Variants in MYBPH observed in about 807,000 individuals in gnomAD.
The protein encoded by MYBPH is myosin-binding protein H.
A neutral mutation model predicts 53.6 loss-of-function variants in MYBPH; 49 were observed. The observed-to-expected ratio is 0.91, with a 90% CI of 0.73 to 1.16. The LOEUF is 1.16. MYBPH is among the 50% of genes most tolerant of loss of function. The probability of loss-of-function intolerance (pLI) is 0.00; values close to 1 mark genes in which losing one functional copy is unlikely to be tolerated. For synonymous variants in MYBPH, 239 were observed against 249.6 expected, an observed-to-expected ratio of 0.96 and a Z score of 0.40; for missense variants, 558 against 624.1, an observed-to-expected ratio of 0.89 and a Z score of 1.13.
intron 3 of MYBPH, among the ~76,000 whole-genome samples, chr1:203,172,844 C>A (rs893171924): frequency 7.9e-5 from 12 of 152,244 alleles, no homozygotes; most frequent in Middle Eastern, 6.8e-3. Flanking sequence ...CAGGTGGCAG[C>A]AGTTGGTTGG....
chr1:203,174,580 C>T lies in MYBPH; in HGVS notation c.358G>A (p.Val120Met), dbSNP rs773625404. 1 of 1,605,162 alleles carries T rather than the reference C, an allele frequency of 6.2e-7. No individual in the cohort carries two copies. The highest frequency in any genetic ancestry group is 1.3e-5 in the African/African-American group (1 of 74,908). The change falls in exon 3 of 11, where the codon GTG becomes ATG. Residue 120 changes from valine (V) to methionine (M), a missense_variant. Val to Met is a conservative substitution (Grantham distance 21, BLOSUM62 1). Transcript: ENST00000255416. ...CREGASEWVP[V>M]SARPMMVTQQ... ...GTCACCATCATGGGCCGGGCACTCA[C>T]AGGCACCCACTCCGAGGCTGAGGGG...
At chr1:203,174,264 A>C in intron 3 of MYBPH, 166 bp downstream of exon 3, 1 of 966,412 alleles carries the variant, frequency 1.0e-6, no homozygotes, top group Non-Finnish European at 1.2e-6. Flanking sequence ...CTGCTGAGGA[A>C]CCTGGAACTT....
chr1:203,172,029 T>C lies in MYBPH; in HGVS notation c.520A>G (p.Ile174Val). ...TGACGGAGGTGGCGGGGGACACGGA[T>C]CTTGGGGGCCTCTGGATCAAAGCAA... ...HIRENIEAPK[I>V]RVPRHLRQTY... The change falls in exon 4 of 11, where the codon ATC becomes GTC. Residue 174 changes from isoleucine to valine, a missense_variant. Physicochemically the swap from Ile to Val is conservative, Grantham distance 29. Coordinates refer to ENST00000255416, the MANE Select transcript of MYBPH (RefSeq NM_004997.3). The C allele has an allele frequency of 7.6e-7, 1 of 1,316,982 alleles. No individual in the cohort carries two copies. Among genetic ancestry groups the C allele is most frequent in the Admixed American group, 3.0e-5 (1 of 32,920 alleles). 81.6% of individuals were successfully genotyped at this position (1,316,982 alleles called of 1,614,324 possible).
Position 203,171,325 on chromosome 1 carries a change from T to G in MYBPH, c.793+58A>C, listed in dbSNP as rs1342110856. 1 of 1,575,042 alleles carries G rather than the reference T, an allele frequency of 6.3e-7. No individual in the cohort carries two copies. Among genetic ancestry groups the G allele is most frequent in the Non-Finnish European group, 8.6e-7 (1 of 1,157,500 alleles). ...CTCCCATCAGCCATCAGCTCTGGGA[T>G]AGGAGGTTGGGGGCTCCAGGTCCCC... is the stretch of plus-strand genomic sequence containing the variant. On this transcript the variant is annotated intron_variant, in intron 5 of 10. Coordinates refer to ENST00000255416, the MANE Select transcript of MYBPH (RefSeq NM_004997.3). The surrounding 1 kb of genome is among the most constrained non-coding windows in gnomAD (Gnocchi z 4.2).
At position 203,171,133 on chromosome 1, in the gene MYBPH, C is replaced by T; in HGVS notation, c.861G>A (p.Trp287Ter). 1.2e-6 allele frequency: 2 copies of T among 1,613,546 alleles called. No homozygotes were observed. Among genetic ancestry groups the T allele is most frequent in the Non-Finnish European group, 1.7e-6 (2 of 1,179,728 alleles). ...TGTTGCCTGTGTCCTGGGGTGGCGT[C>T]CACTGAAGAGCAGCATTGCAGCCCC... ...DVWGCNAALQ[W>*]TPPQDTGNTE... The change falls in exon 6 of 11, where the codon TGG becomes TGA. Residue 287 changes from tryptophan to a stop codon, truncating the protein, a stop_gained. Coordinates refer to ENST00000255416, the MANE Select transcript of MYBPH (RefSeq NM_004997.3). LOFTEE classifies it high-confidence loss of function. This position sits in a 1 kb window ranked among gnomAD's most constrained non-coding sequence, Gnocchi z 4.2.
chr1:203,175,773 G>A lies in MYBPH; in HGVS notation c.-18C>T, dbSNP rs760860404. 1.4e-5 allele frequency: 23 copies of A among 1,612,818 alleles called. No homozygotes were observed. The highest frequency in any genetic ancestry group is 4.5e-5 in the East Asian group (2 of 44,900). The stretch of plus-strand genomic sequence containing the variant: ...TCCATCATTGCTGGACTGGCTGGGG[G>A]GCCAGGGTGGAGTGTGCAGGGGTCA... On this transcript the variant is annotated 5_prime_UTR_variant, in exon 1 of 11. Transcript: ENST00000255416.
chr1:203,173,909 G>A (rs544950755), intron 3 of MYBPH, among the ~76,000 whole-genome samples: 56 of 152,356 alleles, frequency 3.7e-4, no homozygotes, highest in African/African-American at 1.3e-3. Flanking sequence ...GGCCTGCGGG[G>A]CCCCAGTGAG....
Position 203,171,925 on chromosome 1 carries a change from G to C in MYBPH, c.597+27C>G. 7.7e-7 allele frequency: 1 copy of C among 1,291,780 alleles called. No individual in the cohort carries two copies. Among genetic ancestry groups the C allele is most frequent in the Non-Finnish European group, 9.9e-7 (1 of 1,005,250 alleles). 80.0% of individuals were successfully genotyped at this position (1,291,780 alleles called of 1,614,324 possible). On this transcript the variant is annotated intron_variant, in intron 4 of 10. Transcript: ENST00000255416. This position sits in a 1 kb window ranked among gnomAD's most constrained non-coding sequence, Gnocchi z 4.2. ...GGGGGCCCTGGTTCCCACCCAGGCT[G>C]TTACCCTTGGTGGGGGTAATACCCA...
chr1:203,169,505 C>A, intron 7 of MYBPH, 116 bp from the exon 8 acceptor site: 1 of 1,396,764 alleles, frequency 7.2e-7, no homozygotes, highest in South Asian at 1.2e-5. Flanking sequence ...TTTGCAGGAA[C>A]TTGGACAATC....
upstream of MYBPH, among the ~76,000 whole-genome samples, chr1:203,178,211 T>A (rs1045771939): frequency 6.6e-6 from 1 of 152,192 alleles, no homozygotes; most frequent in African/African-American, 2.4e-5. Flanking sequence ...ATCTGTCTAT[T>A]CTTCTGAGTC....
At chr1:203,169,141 G>A in intron 8 of MYBPH, 49 bp from the exon 9 acceptor site, 1 of 1,601,012 alleles carries the variant, frequency 6.2e-7, no homozygotes, top group Non-Finnish European at 8.5e-7. Context: ...ACTGGGGCGG[G>A]GCTCTCAACA....
Position 203,171,223 on chromosome 1 carries a change from G to A in MYBPH, c.794-23C>T, listed in dbSNP as rs927956553. On this transcript the variant is annotated intron_variant, in intron 5 of 10. Transcript: ENST00000255416. This position sits in a 1 kb window ranked among gnomAD's most constrained non-coding sequence, Gnocchi z 4.2. ...TCTCTGTAGGCCCAGAGTGTGAGAG[G>A]AAGTGAGTGTGAGGGCCAGGCTGGC... 6.4e-7 allele frequency: 1 copy of A among 1,570,930 alleles called. No individual in the cohort carries two copies. Among genetic ancestry groups the A allele is most frequent in the Non-Finnish European group, 8.6e-7 (1 of 1,158,300 alleles).
Position 203,174,495 on chromosome 1 carries a change from A to G in MYBPH, c.443T>C (p.Val148Ala), listed in dbSNP as rs1655760141. 1.2e-6 allele frequency: 2 copies of G among 1,613,266 alleles called. No homozygotes were observed. Among genetic ancestry groups the G allele is most frequent in the Non-Finnish European group, 8.5e-7 (1 of 1,179,280 alleles). ...CGGCGGGCCAGCCCCTGCAGAACTC[A>G]CTGCAGACACGCGCAGGAGGAACTT... Reference protein sequence around the residue: ...GDKFLLRVSAVSSAGAGPPAM... With the variant: ...GDKFLLRVSAASSAGAGPPAM... The change falls in exon 3 of 11, where the codon GTG (valine) becomes GCG (alanine). Residue 148 changes from valine (V) to alanine (A), a missense_variant. By Grantham distance (64) the Val-to-Ala change is moderately conservative (BLOSUM62 0). Coordinates refer to ENST00000255416, the MANE Select transcript of MYBPH (RefSeq NM_004997.3).
chr1:203,176,149 C>T (rs1309886602), upstream of MYBPH, among the ~76,000 whole-genome samples: 2 of 152,192 alleles, frequency 1.3e-5, no homozygotes, highest in African/African-American at 4.8e-5. Flanking sequence ...GAGCCCAGCT[C>T]AGGCTCTGTG....
chr1:203,172,058 T>G lies in MYBPH; in HGVS notation c.509-18A>C. ...GGGGGCCTCTGGATCAAAGCAAGAG[T>G]CTGGGCTTAGCAGTGCAGTGGGGTG... On this transcript the variant is annotated intron_variant, in intron 3 of 10. Coordinates refer to ENST00000255416, the MANE Select transcript of MYBPH (RefSeq NM_004997.3). The G allele has an allele frequency of 7.7e-7, 1 of 1,300,484 alleles. No homozygotes were observed. The highest frequency in any genetic ancestry group is 9.8e-7 in the Non-Finnish European group (1 of 1,015,526). 80.6% of individuals were successfully genotyped at this position (1,300,484 alleles called of 1,614,324 possible).
intron 8 of MYBPH, 38 bp from the exon 9 acceptor site, chr1:203,169,130 G>GACTGGGGC: frequency 6.2e-7 from 1 of 1,607,588 alleles, no homozygotes; most frequent in Non-Finnish European, 8.5e-7. Context: ...GGGAGGTATG[G>GACTGGGGC]ACTGGGGCGG....
chr1:203,170,948 G>T, intron 6 of MYBPH, 113 bp downstream of exon 6: 1 of 1,408,844 alleles, frequency 7.1e-7, no homozygotes, highest in Non-Finnish European at 9.5e-7. Context: ...GGTTAGCAGT[G>T]GGCAGACCAG....
At position 203,174,709 on chromosome 1, in the gene MYBPH, C is replaced by T. The variant is rs1014349140; in HGVS notation, c.341-112G>A. The T allele has an allele frequency of 1.3e-5, 15 of 1,177,382 alleles. No homozygotes were observed. In the Admixed American group the frequency reaches 4.8e-4, roughly 38 times the overall value. 72.9% of individuals were successfully genotyped at this position (1,177,382 alleles called of 1,614,324 possible). On this transcript the variant is annotated intron_variant, in intron 2 of 10. Transcript: ENST00000255416. ...GGGAAATCAGCCTCCCTCTCTGGGC[C>T]TCATTTTCCCCTTGTTTGCCTTCCC...
rs185775683 is a variant in MYBPH at position 203,171,821 on chromosome 1, T to C, written c.597+131A>G. The C allele has an allele frequency of 9.5e-5, 68 of 713,898 alleles. No individual in the cohort carries two copies. In the East Asian group the frequency reaches 2.0e-3, roughly 21 times the overall value. The allele number at this position is 713,898 out of a possible 1,614,324, so 44.2% of individuals were successfully genotyped here. A position where few individuals can be genotyped will look rare whatever the true frequency, so the allele number is the denominator to read the frequency against. ...AATCACCAATGAGTCATGTGCATGA[T>C]TGCGGAAGGATGAAGCCGTCTCGCT... On this transcript the variant is annotated intron_variant, in intron 4 of 10. Coordinates refer to ENST00000255416, the MANE Select transcript of MYBPH (RefSeq NM_004997.3). This position sits in a 1 kb window ranked among gnomAD's most constrained non-coding sequence, Gnocchi z 4.2.
Sources: allele counts gnomAD v4.1 joint callset (sites outside exome capture counted in the v4.1 genomes callset), GRCh38; gene constraint gnomAD v4.1.1; non-coding constraint Gnocchi (gnomAD v3.1); transcripts MANE v1.5; gene names NCBI Gene and HGNC (gene_info 2026-07-23, HGNC 2026-07-21).